GRIK2: variants seen among roughly 807,000 people sequenced by gnomAD.
GRIK2 encodes glutamate receptor ionotropic, kainate 2.
GRIK2 carries 32 observed loss-of-function variants against 100.3 expected under a neutral mutation model. The observed-to-expected ratio is 0.32, with a 90% CI of 0.24 to 0.43. GRIK2 has a LOEUF of 0.43. Among genes scored for constraint, GRIK2 ranks in the 20% least tolerant of loss-of-function variants. GRIK2 has a pLI of 1.00. For synonymous variants in GRIK2, 417 were observed against 389.4 expected, an observed-to-expected ratio of 1.07 and a Z score of -0.83; for missense variants, 843 against 1,114.9, an observed-to-expected ratio of 0.76 and a Z score of 3.47.
chr6:101,894,427 C>T (rs900336794), intron 12 of GRIK2, among the ~76,000 whole-genome samples: 2 of 151,630 alleles, frequency 1.3e-5, no homozygotes, highest in Non-Finnish European at 3.0e-5. Flanking sequence ...AAGGATTAGC[C>T]TGGGATAGTG....
intron 14 of GRIK2, among the ~76,000 whole-genome samples, chr6:101,958,644 A>G (rs1184844314): frequency 3.3e-5 from 5 of 151,928 alleles, no homozygotes; most frequent in Non-Finnish European, 7.4e-5. Flanking sequence ...CCTGTTTAGT[A>G]TGATGTTGCC....
chr6:101,817,141 G>C (rs894930051), intron 9 of GRIK2, among the ~76,000 whole-genome samples: 1 of 152,142 alleles, frequency 6.6e-6, no homozygotes, highest in African/African-American at 2.4e-5. Flanking sequence ...TGGCCAGTAG[G>C]TGGTTTAGTT....
At chr6:101,849,042 G>T (rs577028237) in intron 10 of GRIK2, among the ~76,000 whole-genome samples, 1 of 151,554 alleles carries the variant, frequency 6.6e-6, no homozygotes, top group Non-Finnish European at 1.5e-5. Context: ...TTAGATGCCT[G>T]AAATCAAATA....
Position 101,399,252 on chromosome 6 carries a change from G to A in GRIK2, c.-26G>A, listed in dbSNP as rs1775146539. 9.3e-7 allele frequency: 1 copy of A among 1,080,848 alleles called. No homozygotes were observed. Among genetic ancestry groups the A allele is most frequent in the African/African-American group, 1.5e-5 (1 of 64,798 alleles). The allele number at this position is 1,080,848 out of a possible 1,614,324, so 67.0% of individuals were successfully genotyped here. The stretch of plus-strand genomic sequence containing the variant: ...CGAACGCTAGATCGGGGAAGTGGGT[G>A]CCGTGCGTGTGGGCACAGAAACACC... On this transcript the variant is annotated 5_prime_UTR_variant, in exon 2 of 17. Transcript: ENST00000369134.
intron 12 of GRIK2, among the ~76,000 whole-genome samples, chr6:101,920,680 A>G (rs967444182): frequency 4.0e-5 from 6 of 151,730 alleles, no homozygotes; most frequent in Non-Finnish European, 8.8e-5. Context: ...GTAGGGAATT[A>G]CAGGGTAAAT....
chr6:101,718,363 A>T, intron 7 of GRIK2, among the ~76,000 whole-genome samples: 1 of 151,904 alleles, frequency 6.6e-6, no homozygotes, highest in East Asian at 1.9e-4. Context: ...ATTTTATTAT[A>T]AACACTTCTA....
At chr6:101,932,276 G>A (rs1423412909) in intron 14 of GRIK2, among the ~76,000 whole-genome samples, 1 of 152,012 alleles carries the variant, frequency 6.6e-6, no homozygotes, top group African/African-American at 2.4e-5. Context: ...ATCAAAGGAA[G>A]AAACATGTGC....
intron 14 of GRIK2, among the ~76,000 whole-genome samples, chr6:101,965,304 T>C (rs968779214): frequency 4.6e-5 from 7 of 152,166 alleles, no homozygotes; most frequent in African/African-American, 7.2e-5. Flanking sequence ...GCATATTTGC[T>C]TAGAAAAAAT....
At chr6:101,807,056 A>T (rs927494180) in intron 9 of GRIK2, among the ~76,000 whole-genome samples, 2 of 151,954 alleles carry the variant, frequency 1.3e-5, no homozygotes, top group African/African-American at 4.8e-5. Context: ...ATGAATAAAG[A>T]ATCTTTATGG....
chr6:101,454,652 A>G (rs1396608800), intron 2 of GRIK2, among the ~76,000 whole-genome samples: 2 of 152,064 alleles, frequency 1.3e-5, no homozygotes, highest in Non-Finnish European at 2.9e-5. Context: ...GGTCAGTCCA[A>G]ACCATTAGCT....
At chr6:101,590,652 A>G (rs775981429) in intron 2 of GRIK2, among the ~76,000 whole-genome samples, 3 of 151,882 alleles carry the variant, frequency 2.0e-5, no homozygotes, top group Non-Finnish European at 4.4e-5. Flanking sequence ...TTGTCATCCT[A>G]TGTGCTGTAG....
chr6:101,562,810 G>A (rs1042575438), intron 2 of GRIK2, among the ~76,000 whole-genome samples: 1 of 152,032 alleles, frequency 6.6e-6, no homozygotes, highest in South Asian at 2.1e-4. Context: ...TCTTTTTCAA[G>A]ACAACACTTT....
In GRIK2 at chr6:101,676,805, G is replaced by A; in HGVS notation, c.723+1G>A. ...AATGGCAGCAGGCATTTTAAAACAG[G>A]TAACCTTTAAATTACTTCAATTCTT... On this transcript the variant is annotated splice_donor_variant, in intron 5 of 16. Coordinates refer to ENST00000369134, the MANE Select transcript of GRIK2 (RefSeq NM_021956.5). LOFTEE classifies it high-confidence loss of function. 1 of 1,566,198 alleles carries A rather than the reference G, an allele frequency of 6.4e-7. No individual in the cohort carries two copies. The highest frequency in any genetic ancestry group is 8.7e-7 in the Non-Finnish European group (1 of 1,147,050).
At chr6:101,579,653 C>T (rs1042117703) in intron 2 of GRIK2, among the ~76,000 whole-genome samples, 1 of 151,922 alleles carries the variant, frequency 6.6e-6, no homozygotes, top group East Asian at 1.9e-4. Flanking sequence ...GAGATCAAGG[C>T]CATCCTTGCC....
intron 14 of GRIK2, among the ~76,000 whole-genome samples, chr6:101,942,913 G>A (rs1791044356): frequency 1.3e-4 from 20 of 152,228 alleles, no homozygotes; most frequent in Admixed American, 1.3e-3. Context: ...TTGCATAAAT[G>A]AAGAAGAGTA....
At chr6:101,962,199 C>G (rs1290247384) in intron 14 of GRIK2, among the ~76,000 whole-genome samples, 1 of 151,880 alleles carries the variant, frequency 6.6e-6, no homozygotes, top group Non-Finnish European at 1.5e-5. Context: ...TTTGTGTGCC[C>G]CAGCTTTTTC....
At chr6:101,742,173 C>A (rs948246647) in intron 7 of GRIK2, among the ~76,000 whole-genome samples, 1 of 152,120 alleles carries the variant, frequency 6.6e-6, no homozygotes, top group African/African-American at 2.4e-5. Context: ...TTTTTAGCTT[C>A]CTAGCAGTGA....
At chr6:101,701,016 G>A (rs1435898012) in intron 7 of GRIK2, among the ~76,000 whole-genome samples, 2 of 152,124 alleles carry the variant, frequency 1.3e-5, no homozygotes, top group Admixed American at 1.3e-4. Context: ...AGCTTGAAAA[G>A]GAGATGGTAT....
chr6:101,581,118 C>T (rs1778063103), intron 2 of GRIK2, among the ~76,000 whole-genome samples: 1 of 151,600 alleles, frequency 6.6e-6, no homozygotes, highest in Non-Finnish European at 1.5e-5. Flanking sequence ...ACACATTAGG[C>T]ATGTGTTACG....
Sources: allele counts gnomAD v4.1 joint callset (sites outside exome capture counted in the v4.1 genomes callset), GRCh38; gene constraint gnomAD v4.1.1; transcripts MANE v1.5; gene names NCBI Gene and HGNC (gene_info 2026-07-23, HGNC 2026-07-21).